Variants in WNK1 observed in about 807,000 individuals in gnomAD.
WNK1 encodes WNK lysine deficient protein kinase 1, also known as serine/threonine-protein kinase WNK1.
WNK1 carries 38 observed loss-of-function variants against 222.8 expected under a neutral mutation model. The ratio of observed to expected loss-of-function variants is 0.17; its 90% CI spans 0.13 to 0.22. WNK1 has a LOEUF of 0.22. Ranked by LOEUF, WNK1 falls within the 10% of genes least tolerant of loss-of-function variation. The pLI, the probability that WNK1 is intolerant of heterozygous loss-of-function variation, is 1.00. For synonymous variants in WNK1, 1,090 were observed against 1,092.9 expected (o/e 1.00, Z 0.05); for missense variants, 2,348 against 2,918.4 (o/e 0.80, Z 4.50).
intron 1 of WNK1, among the ~76,000 whole-genome samples, chr12:787,047 GTCTA>G (rs559884013): frequency 2.2e-3 from 333 of 152,118 alleles, no homozygotes; most frequent in African/African-American, 7.7e-3. Context: ...ACACCTAGTA[GTCTA>G]TCTTTTATGT....
At chr12:775,633 G>A (rs909889311) in intron 1 of WNK1, among the ~76,000 whole-genome samples, 5 of 152,076 alleles carry the variant, frequency 3.3e-5, no homozygotes, top group Admixed American at 6.6e-5. Context: ...CTATGGTCGT[G>A]CCACTCTACT....
intron 1 of WNK1, among the ~76,000 whole-genome samples, chr12:755,961 G>C (rs1395925802): frequency 6.6e-6 from 1 of 152,214 alleles, no homozygotes; most frequent in African/African-American, 2.4e-5. Context: ...GTGACAGAGC[G>C]AGACTCCGTC....
chr12:899,110 C>CA, intron 25 of WNK1, among the ~76,000 whole-genome samples: 1 of 152,218 alleles, frequency 6.6e-6, no homozygotes, highest in Middle Eastern at 3.4e-3. Flanking sequence ...AGTGTTAACA[C>CA]AATTAGTTGA....
intron 1 of WNK1, among the ~76,000 whole-genome samples, chr12:757,361 C>A (rs573525391): frequency 1.1e-3 from 95 of 85,716 alleles, no homozygotes; most frequent in African/African-American, 4.0e-3. Context: ...GAGTCTTGCT[C>A]TATCTCCAGG....
At position 896,528 on chromosome 12, in the gene WNK1, C is replaced by T. The variant is rs909810117; in HGVS notation, c.6041C>T (p.Pro2014Leu). Residue 2014 changes from proline to leucine, a missense_variant, in exon 24 of 28, where the codon CCG becomes CTG. Coordinates refer to ENST00000315939, the MANE Select transcript of WNK1 (RefSeq NM_018979.4). ...PSHLNGPSSD[P>L]EAAFLSRDVD... ...CATCTAAATGGGCCGTCTTCTGACC[C>T]GGAGGCCGCTTTTTTAAGTAGGGAT... 1.6e-5 allele frequency: 26 copies of T among 1,613,144 alleles called. No individual in the cohort carries two copies. Among genetic ancestry groups the T allele is most frequent in the African/African-American group, 1.6e-4 (12 of 74,552 alleles).
chr12:776,060 A>C (rs541816893), intron 1 of WNK1, among the ~76,000 whole-genome samples: 1 of 152,296 alleles, frequency 6.6e-6, no homozygotes, highest in South Asian at 2.1e-4. Context: ...TAAAGACAGG[A>C]TCTCATTCTG....
At chr12:799,600 A>G (rs1403191270) in intron 1 of WNK1, among the ~76,000 whole-genome samples, 1 of 152,234 alleles carries the variant, frequency 6.6e-6, no homozygotes, top group African/African-American at 2.4e-5. Flanking sequence ...GCAGCATTTT[A>G]GGAGGCTGAA....
At position 908,987 on chromosome 12, in the gene WNK1, G is replaced by A. The variant is rs1024813582; in HGVS notation, c.*195G>A. On this transcript the variant is annotated 3_prime_UTR_variant, in exon 28 of 28. Transcript: ENST00000315939. ...CTCCCCCGCTCCAGTTATTGGAATG[G>A]GAGAGGAAGGAAAGAACAGCTTTTT... 1.7e-5 allele frequency: 11 copies of A among 660,620 alleles called. No homozygotes were observed. In the African/African-American group the frequency reaches 2.0e-4, roughly 12 times the overall value. The allele number at this position is 660,620 out of a possible 1,614,324, so 40.9% of individuals were successfully genotyped here.
intron 1 of WNK1, among the ~76,000 whole-genome samples, chr12:779,954 T>A (rs1591661272): frequency 6.6e-6 from 1 of 152,232 alleles, no homozygotes; most frequent in Admixed American, 6.5e-5. Flanking sequence ...TTCCCAATGT[T>A]AAGCAATTTT....
Position 827,081 on chromosome 12 carries a change from A to C in WNK1, c.972A>C (p.Leu324=). 1 of 1,614,030 alleles carries C rather than the reference A, an allele frequency of 6.2e-7. No individual in the cohort carries two copies. The highest frequency in any genetic ancestry group is 8.5e-7 in the Non-Finnish European group (1 of 1,180,030). Residue 324 remains leucine, a synonymous_variant, in exon 3 of 28, where the codon CTA becomes CTC. Coordinates refer to ENST00000315939, the MANE Select transcript of WNK1 (RefSeq NM_018979.4). The surrounding 1 kb of genome is among the most constrained non-coding windows in gnomAD (Gnocchi z 4.6). ...TTAAAGTGATGAAGATCAAAGTTCT[A>C]AGAAGCTGGTGCCGTCAGATCCTTA... ...KRFKVMKIKV[L]RSWCRQILKG...
At position 868,602 on chromosome 12, in the gene WNK1, A is replaced by T. The variant is rs1394948412; in HGVS notation, c.2140-2663A>T. 2.5e-6 allele frequency: 4 copies of T among 1,614,016 alleles called. No homozygotes were observed. The South Asian group carries it at 4.4e-5, about 18-fold the overall frequency. ...GCGCCTGCTGTGTTAACTCATAACAATGAGAGCAGAAGCAACTGTGTATTT... is the reference window on the plus strand; with the variant it reads ...GCGCCTGCTGTGTTAACTCATAACATTGAGAGCAGAAGCAACTGTGTATTT... On this transcript the variant is annotated intron_variant, in intron 8 of 27. Transcript: ENST00000315939.
intron 8 of WNK1, chr12:868,896 C>A: frequency 6.2e-7 from 1 of 1,606,852 alleles, no homozygotes; most frequent in Non-Finnish European, 8.5e-7. Flanking sequence ...TCACAAATCA[C>A]TTCTTCAGAC....
At chr12:755,986 A>C (rs1939962478) in intron 1 of WNK1, among the ~76,000 whole-genome samples, 1 of 152,214 alleles carries the variant, frequency 6.6e-6, no homozygotes, top group Admixed American at 6.5e-5. Context: ...AAACAAACAA[A>C]AACAACAACA....
chr12:799,006 T>TGG (rs1250579330), intron 1 of WNK1, among the ~76,000 whole-genome samples: 6 of 152,124 alleles, frequency 3.9e-5, no homozygotes, highest in African/African-American at 1.2e-4. Flanking sequence ...TTCTCTTTTT[T>TGG]GGGGGGGCAT....
chr12:883,307 TAAGTATGCAGATAGGACAGAA>T, intron 15 of WNK1, 67 bp from the exon 16 acceptor site: 1 of 1,431,144 alleles, frequency 7.0e-7, no homozygotes, highest in Middle Eastern at 2.2e-4. Context: ...AAAATATAGG[TAAGTATGCAGATAGGACAGAA>T]GTCATAAAAG....
chr12:898,758 G>T (rs1163550375), intron 25 of WNK1, among the ~76,000 whole-genome samples: 1 of 148,606 alleles, frequency 6.7e-6, no homozygotes, highest in Non-Finnish European at 1.5e-5. Flanking sequence ...TTTTTTTTTT[G>T]AGACAGAATC....
intron 4 of WNK1, among the ~76,000 whole-genome samples, chr12:841,287 C>T (rs1257337931): frequency 6.6e-6 from 1 of 152,130 alleles, no homozygotes; most frequent in African/African-American, 2.4e-5. Context: ...CATCCCCTAG[C>T]GACCACTAAT....
intron 4 of WNK1, chr12:851,518 G>A: frequency 2.6e-6 from 3 of 1,165,446 alleles, no homozygotes; most frequent in Non-Finnish European, 3.2e-6. Context: ...ATCTGTTGTT[G>A]GCTGAGTAGA....
chr12:768,250 C>G (rs930814477), intron 1 of WNK1, among the ~76,000 whole-genome samples: 1 of 152,174 alleles, frequency 6.6e-6, no homozygotes, highest in African/African-American at 2.4e-5. Context: ...ATTATCGTTC[C>G]TCAACCTCCC....
Sources: allele counts gnomAD v4.1 joint callset (sites outside exome capture counted in the v4.1 genomes callset), GRCh38; gene constraint gnomAD v4.1.1; non-coding constraint Gnocchi (gnomAD v3.1); transcripts MANE v1.5; gene names NCBI Gene and HGNC (gene_info 2026-07-23, HGNC 2026-07-21).